Variants in TMEM14A observed in about 807,000 individuals in gnomAD.
The protein encoded by TMEM14A is transmembrane protein 14A.
Under a neutral mutation model 11.6 loss-of-function variants are expected in TMEM14A, and 8 were observed. The ratio of observed to expected loss-of-function variants is 0.69; its 90% CI spans 0.40 to 1.24. The LOEUF (loss-of-function observed/expected upper bound fraction) is 1.24. TMEM14A is among the 50% of genes most tolerant of loss of function. The probability of loss-of-function intolerance (pLI) is 0.01; values close to 1 mark genes in which losing one functional copy is unlikely to be tolerated. For synonymous variants in TMEM14A, 34 were observed against 45.5 expected, an observed-to-expected ratio of 0.75 and a Z score of 1.02; for missense variants, 108 against 121.9, an observed-to-expected ratio of 0.89 and a Z score of 0.54.
chr6:52,674,305 A>G (rs1258449254), intron 1 of TMEM14A, among the ~76,000 whole-genome samples: 1 of 152,236 alleles, frequency 6.6e-6, no homozygotes, highest in Non-Finnish European at 1.5e-5. Context: ...ATTGATCCAG[A>G]ATTGAAAACT....
chr6:52,685,896 G>A (rs1011300965), intron 4 of TMEM14A, 114 bp from the exon 5 acceptor site: 3 of 878,476 alleles, frequency 3.4e-6, no homozygotes, highest in Middle Eastern at 2.4e-4. Context: ...TGAGCTGGGA[G>A]AGCCCCCAAG....
At chr6:52,680,823 T>C (rs1581745094) in intron 2 of TMEM14A, among the ~76,000 whole-genome samples, 1 of 148,968 alleles carries the variant, frequency 6.7e-6, no homozygotes. Flanking sequence ...GAGTAGAACC[T>C]AGCGTGTTTG....
chr6:52,674,590 A>T (rs1392872250), intron 1 of TMEM14A, among the ~76,000 whole-genome samples: 7 of 152,210 alleles, frequency 4.6e-5, no homozygotes, highest in South Asian at 2.1e-4. Flanking sequence ...GGCACCTAGC[A>T]CATAGTAATT....
intron 2 of TMEM14A, among the ~76,000 whole-genome samples, chr6:52,679,420 A>G (rs915241003): frequency 7.9e-5 from 12 of 152,204 alleles, no homozygotes; most frequent in African/African-American, 2.7e-4. Context: ...GTTGAAGGGA[A>G]GGGCACTGAC....
intron 4 of TMEM14A, among the ~76,000 whole-genome samples, 173 bp downstream of exon 4, chr6:52,684,338 C>T (rs1769452980): frequency 3.3e-5 from 5 of 152,124 alleles, no homozygotes; most frequent in Admixed American, 3.3e-4. Context: ...TTGATGTACC[C>T]ATGAACATTC....
Position 52,677,157 on chromosome 6 carries a change from G to A in TMEM14A, c.55G>A (p.Gly19Arg). The A allele has an allele frequency of 1.2e-6, 2 of 1,614,122 alleles. No individual in the cohort carries two copies. The highest frequency in any genetic ancestry group is 1.7e-6 in the Non-Finnish European group (2 of 1,180,014). The change falls in exon 2 of 5, where the codon GGA becomes AGA. Residue 19 changes from glycine (G) to arginine (R), a missense_variant. Transcript: ENST00000211314. ...CCTCGTGACATTTGGAAGCATTTTT[G>A]GATATAAGCGGAGAGGTAAGCCTAA... ...AALVTFGSIF[G>R]YKRRGGVPSL...
chr6:52,677,973 A>C (rs1324785448), intron 2 of TMEM14A, among the ~76,000 whole-genome samples: 1 of 152,170 alleles, frequency 6.6e-6, no homozygotes, highest in Non-Finnish European at 1.5e-5. Context: ...GGCAGGTAGA[A>C]TTGACCATCA....
chr6:52,685,441 C>T (rs1769474380), intron 4 of TMEM14A, among the ~76,000 whole-genome samples: 1 of 151,908 alleles, frequency 6.6e-6, no homozygotes, highest in South Asian at 2.1e-4. Flanking sequence ...AAAAATTAGC[C>T]AAGTGTGGTG....
chr6:52,673,811 T>C (rs1232435513), intron 1 of TMEM14A, among the ~76,000 whole-genome samples: 1 of 152,220 alleles, frequency 6.6e-6, no homozygotes, highest in Non-Finnish European at 1.5e-5. Flanking sequence ...TCGAATTGAC[T>C]ACAAATATAT....
At chr6:52,685,988 C>G in intron 4 of TMEM14A, 22 bp from the exon 5 acceptor site, 1 of 1,609,136 alleles carries the variant, frequency 6.2e-7, no homozygotes, top group Non-Finnish European at 8.5e-7. Context: ...CTCCCTTTGT[C>G]TTTGTTTTAT....
At chr6:52,672,707 A>T (rs1364055844) in intron 1 of TMEM14A, among the ~76,000 whole-genome samples, 1 of 152,062 alleles carries the variant, frequency 6.6e-6, no homozygotes, top group African/African-American at 2.4e-5. Flanking sequence ...TTCAATTCTG[A>T]TTCTACCTCC....
At chr6:52,680,116 G>A (rs1561874742) in intron 2 of TMEM14A, among the ~76,000 whole-genome samples, 1 of 151,894 alleles carries the variant, frequency 6.6e-6, no homozygotes, top group South Asian at 2.1e-4. Context: ...TCGCCCTGGG[G>A]AAACAGCAAT....
rs1561875045 is a variant in TMEM14A at position 52,680,667 on chromosome 6, G to GTGTGTATATATATATACATATA, written c.71-1143_71-1142insGTATATATATATACATATATGT. 3.0e-3 allele frequency among the ~76,000 whole-genome samples: 74 copies of GTGTGTATATATATATACATATA among 24,866 alleles called. 2 individuals carry two copies. Among genetic ancestry groups the GTGTGTATATATATATACATATA allele is most frequent in the African/African-American group, 7.6e-3 (67 of 8,836 alleles). The allele number at this position is 24,866 out of a possible 152,430, so 16.3% of individuals were successfully genotyped here. On this transcript the variant is annotated intron_variant, in intron 2 of 4. Transcript: ENST00000211314. ...TATATATATGTGTGTGTATATATAT[G>GTGTGTATATATATATACATATA]TGTATATATATATATACATATATGT... is the stretch of plus-strand genomic sequence containing the variant.
intron 1 of TMEM14A, 57 bp from the exon 2 acceptor site, chr6:52,677,030 A>G (rs1024097004): frequency 9.3e-6 from 14 of 1,505,614 alleles, no homozygotes; most frequent in Non-Finnish European, 1.3e-5. Context: ...TTTTAGATAC[A>G]TTCCCTCCCC....
chr6:52,681,046 T>A (rs1769383414), intron 2 of TMEM14A, among the ~76,000 whole-genome samples: 1 of 152,080 alleles, frequency 6.6e-6, no homozygotes, highest in African/African-American at 2.4e-5. Flanking sequence ...CCCAGGGATT[T>A]TAACCTAACA....
chr6:52,681,793 A>G lies in TMEM14A; in HGVS notation c.71-20A>G. 1.2e-6 allele frequency: 2 copies of G among 1,604,822 alleles called. No homozygotes were observed. The highest frequency in any genetic ancestry group is 1.7e-6 in the Non-Finnish European group (2 of 1,172,034). On this transcript the variant is annotated intron_variant, in intron 2 of 4. Transcript: ENST00000211314. ...CTTTTGGGATTCTCTTTGTGATCTC[A>G]TATTTTTTTCCCCTTCCAGGTGGTG...
chr6:52,684,300 A>G (rs949711006), intron 4 of TMEM14A, 135 bp downstream of exon 4: 4 of 723,898 alleles, frequency 5.5e-6, no homozygotes, highest in South Asian at 1.9e-5. Context: ...AAACCTTAAG[A>G]TAGCATGGAT....
intron 2 of TMEM14A, among the ~76,000 whole-genome samples, chr6:52,680,649 ATGTGTG>A (rs371258251): frequency 2.1e-5 from 1 of 48,350 alleles, no homozygotes; most frequent in Non-Finnish European, 5.4e-5. Flanking sequence ...GTGTATATAT[ATGTGTG>A]TGTATATATA....
chr6:52,683,483 CAAAA>C (rs71799754), intron 3 of TMEM14A, among the ~76,000 whole-genome samples: 2 of 130,944 alleles, frequency 1.5e-5, no homozygotes, highest in East Asian at 2.2e-4. Context: ...ACAACAACAA[CAAAA>C]AAAAAAAAAA....
Sources: gnomAD v4.1 joint callset for allele counts (sites outside exome capture counted in the v4.1 genomes callset) on GRCh38, gnomAD v4.1.1 for gene constraint, MANE v1.5 for transcripts, NCBI Gene and HGNC (gene_info 2026-07-23, HGNC 2026-07-21) for gene names.